HMOX1: variants seen among roughly 807,000 people sequenced by gnomAD.
HMOX1 encodes heme oxygenase 1, also known as heat shock protein, 32-kD.
HMOX1 carries 22 observed loss-of-function variants against 27.8 expected under a neutral mutation model. The ratio of observed to expected loss-of-function variants is 0.79; its 90% confidence interval spans 0.57 to 1.13. The LOEUF (loss-of-function observed/expected upper bound fraction) is 1.13. Ranked by LOEUF, HMOX1 falls within the 50% of genes most tolerant of loss-of-function variation. The pLI is 0.00. For synonymous variants in HMOX1, 153 were observed against 151.6 expected (o/e 1.01, Z -0.07); for missense variants, 379 against 377.7 (o/e 1.00, Z -0.03).
rs1601745978 is a variant in HMOX1 at position 35,393,849 on chromosome 22, C to T, written c.*251C>T. The T allele has an allele frequency of 2.0e-6, 1 of 488,952 alleles. No individual in the cohort carries two copies. Among genetic ancestry groups the T allele is most frequent in the East Asian group, 4.1e-5 (1 of 24,534 alleles). The allele number at this position is 488,952 out of a possible 1,614,324, so 30.3% of individuals were successfully genotyped here. A position where few individuals can be genotyped will look rare whatever the true frequency, so the allele number is the denominator to read the frequency against. ...GGGATCAGCCCTGCCCTTCAGCATC[C>T]TCAGTTCCTGCAGCAGAGCCTGGAA... On this transcript the variant is annotated 3_prime_UTR_variant, in exon 5 of 5. Transcript: ENST00000216117.
chr22:35,385,222 G>A (rs961309879), intron 2 of HMOX1, among the ~76,000 whole-genome samples: 1 of 152,024 alleles, frequency 6.6e-6, no homozygotes, highest in Non-Finnish European at 1.5e-5. Context: ...AGTTGGTTAC[G>A]CAGAGGTCAA....
intron 4 of HMOX1, 56 bp from the exon 5 acceptor site, chr22:35,393,412 C>G (rs1931773056): frequency 1.9e-6 from 3 of 1,611,968 alleles, no homozygotes; most frequent in African/African-American, 1.3e-5. Flanking sequence ...CCTATGACAT[C>G]AGACACCCTG....
chr22:35,387,684 T>G (rs1931543502), intron 3 of HMOX1, among the ~76,000 whole-genome samples: 1 of 151,908 alleles, frequency 6.6e-6, no homozygotes, highest in Admixed American at 6.6e-5. Flanking sequence ...GAAGGTGGGG[T>G]TTGCGCAAAG....
At chr22:35,389,328 T>C (rs1931619709) in intron 3 of HMOX1, among the ~76,000 whole-genome samples, 4 of 127,818 alleles carry the variant, frequency 3.1e-5, no homozygotes, top group African/African-American at 1.2e-4. Context: ...TCTTCTTTCT[T>C]TCTTTCTTTC....
intron 4 of HMOX1, among the ~76,000 whole-genome samples, chr22:35,392,717 CTTTT>C (rs753975375): frequency 7.3e-6 from 1 of 136,298 alleles, no homozygotes; most frequent in African/African-American, 2.7e-5. Flanking sequence ...TGTTTTAAAT[CTTTT>C]TTTTTTTTTT....
Position 35,386,994 on chromosome 22 carries a change from C to G in HMOX1, c.454C>G (p.Gln152Glu). The stretch of plus-strand genomic sequence containing the variant: ...GGGCCAGGTGCTCAAAAAGATTGCC[C>G]AGAAAGCCCTGGACCTGCCCAGCTC... ...SGGQVLKKIA[Q>E]KALDLPSSGE... Residue 152 changes from glutamine to glutamate, a missense_variant, in exon 3 of 5, where the codon CAG becomes GAG. By Grantham distance (29) the Gln-to-Glu change is conservative (BLOSUM62 2). Coordinates refer to ENST00000216117, the MANE Select transcript of HMOX1 (RefSeq NM_002133.3). The G allele has an allele frequency of 6.2e-7, 1 of 1,613,922 alleles. No homozygotes were observed. Among genetic ancestry groups the G allele is most frequent in the Non-Finnish European group, 8.5e-7 (1 of 1,180,044 alleles).
intron 3 of HMOX1, among the ~76,000 whole-genome samples, chr22:35,389,445 T>G (rs1233512830): frequency 8.1e-6 from 1 of 122,756 alleles, no homozygotes; most frequent in African/African-American, 4.2e-5. Flanking sequence ...TCTTTCTTTC[T>G]TTCTTTTCTT....
At chr22:35,392,395 T>C (rs1411982207) in intron 4 of HMOX1, among the ~76,000 whole-genome samples, 1 of 152,198 alleles carries the variant, frequency 6.6e-6, no homozygotes, top group Non-Finnish European at 1.5e-5. Flanking sequence ...GCACCCCTAA[T>C]GCATCAGAAG....
At chr22:35,390,102 C>G (rs910435815) in intron 4 of HMOX1, 139 bp downstream of exon 4, 1 of 713,800 alleles carries the variant, frequency 1.4e-6, no homozygotes, top group Admixed American at 2.0e-5. Flanking sequence ...CACCCCACTG[C>G]CCCTGTAAGG....
rs567083334 is a variant in HMOX1 at position 35,392,143 on chromosome 22, A to AAG, written c.737-1324_737-1323dup. Among the ~76,000 whole-genome samples, 218 of 151,366 alleles carry AAG rather than the reference A, an allele frequency of 1.4e-3. 1 individual carries two copies. The highest frequency in any genetic ancestry group is 4.9e-3 in the African/African-American group (201 of 41,230). On this transcript the variant is annotated intron_variant, in intron 4 of 4. Coordinates refer to ENST00000216117, the MANE Select transcript of HMOX1 (RefSeq NM_002133.3). ...GGAGGCTGAGGCAGGAGAATCTCCT[A>AAG]AGTCCGGGAGGCAGAGGTTGCAGTG... is the stretch of plus-strand genomic sequence containing the variant.
rs989347198 is a variant in HMOX1, at chr22:35,393,660, G to C, written c.*62G>C. On this transcript the variant is annotated 3_prime_UTR_variant, in exon 5 of 5. Transcript: ENST00000216117. The stretch of plus-strand genomic sequence containing the variant: ...TCCGGTGGAAGGCCTTCTTTCTAGA[G>C]AGGGAATTCTCTTGGCTGGCTTCCT... 2.7e-5 allele frequency: 43 copies of C among 1,606,948 alleles called. No individual in the cohort carries two copies. Among genetic ancestry groups the C allele is most frequent in the Non-Finnish European group, 3.4e-5 (40 of 1,174,026 alleles).
At chr22:35,387,544 A>G (rs1330188922) in intron 3 of HMOX1, among the ~76,000 whole-genome samples, 4 of 152,208 alleles carry the variant, frequency 2.6e-5, no homozygotes, top group African/African-American at 9.6e-5. Context: ...GTGGCAATGT[A>G]TAAGTTGTGT....
At chr22:35,389,189 T>TTTTCTTTC (rs34867836) in intron 3 of HMOX1, among the ~76,000 whole-genome samples, 3 of 83,496 alleles carry the variant, frequency 3.6e-5, no homozygotes, top group Admixed American at 9.8e-5. Flanking sequence ...GGGATATGAA[T>TTTTCTTTC]TTTCTTTCTT....
At chr22:35,389,136 G>A (rs1931584510) in intron 3 of HMOX1, among the ~76,000 whole-genome samples, 1 of 152,096 alleles carries the variant, frequency 6.6e-6, no homozygotes, top group African/African-American at 2.4e-5. Context: ...AGGCAGGGGA[G>A]CCAATTGGGC....
chr22:35,388,416 C>T (rs1931560446), intron 3 of HMOX1, among the ~76,000 whole-genome samples: 1 of 151,802 alleles, frequency 6.6e-6, no homozygotes, highest in Non-Finnish European at 1.5e-5. Context: ...TATGCTACTG[C>T]ACTCCAGCCT....
chr22:35,392,675 A>C (rs1931750134), intron 4 of HMOX1, among the ~76,000 whole-genome samples: 1 of 147,574 alleles, frequency 6.8e-6, no homozygotes, highest in Non-Finnish European at 1.5e-5. Context: ...TGGCACATCT[A>C]CCCAGGTTGC....
rs1417518696 is a variant in HMOX1, at chr22:35,381,123, A to G, written c.-51A>G. 1 of 1,535,578 alleles carries G rather than the reference A, an allele frequency of 6.5e-7. No individual in the cohort carries two copies. ...CGCCTGCCTCCTCTCGAGCGTCCTC[A>G]GCGCAGCCGCCGCCCGCGGAGCCAG... On this transcript the variant is annotated 5_prime_UTR_variant, in exon 1 of 5. Coordinates refer to ENST00000216117, the MANE Select transcript of HMOX1 (RefSeq NM_002133.3).
chr22:35,394,158 G>T lies in HMOX1; in HGVS notation c.*560G>T. On this transcript the variant is annotated 3_prime_UTR_variant, in exon 5 of 5. Transcript: ENST00000216117. Reference sequence around the variant, plus strand: ...GAGGGAGGTGTTTAACGGCACTGTGGCCTTGGTCTAACTTTTGTGTGAAAT... The same window carrying T: ...GAGGGAGGTGTTTAACGGCACTGTGTCCTTGGTCTAACTTTTGTGTGAAAT... The T allele has an allele frequency of 5.6e-6, 1 of 177,420 alleles. No homozygotes were observed. The highest frequency in any genetic ancestry group is 1.2e-5 in the Non-Finnish European group (1 of 81,994). The allele number at this position is 177,420 out of a possible 1,614,324, so 11.0% of individuals were successfully genotyped here. A position where few individuals can be genotyped will look rare whatever the true frequency, so the allele number is the denominator to read the frequency against.
rs1569057250 is a variant in HMOX1 at position 35,389,286 on chromosome 22, TC to T, written c.637-577del. 2.1e-3 allele frequency among the ~76,000 whole-genome samples: 230 copies of T among 111,696 alleles called. 13 individuals are homozygous for T. Among genetic ancestry groups the T allele is most frequent in the East Asian group, 0.017 (69 of 3,982 alleles). The allele number at this position is 111,696 out of a possible 152,430, so 73.3% of individuals were successfully genotyped here. A position where few individuals can be genotyped will look rare whatever the true frequency, so the allele number is the denominator to read the frequency against. On this transcript the variant is annotated intron_variant, in intron 3 of 4. Transcript: ENST00000216117. ...TCTCTCTCTCTCTCCTCTCTCTCTC[TC>T]TCTTCTTTCTTCTTTCTTTCTTTCT...
Sources: allele counts gnomAD v4.1 joint callset (sites outside exome capture counted in the v4.1 genomes callset), GRCh38; gene constraint gnomAD v4.1.1; transcripts MANE v1.5; gene names NCBI Gene and HGNC (gene_info 2026-07-23, HGNC 2026-07-21).